The following DAP variants were observed in gnomAD, a reference collection of about 807,000 sequenced individuals.
The protein encoded by DAP is death-associated protein 1.
A neutral mutation model predicts 13.8 loss-of-function variants in DAP; 8 were observed. That is an observed-to-expected ratio of 0.58 (90% CI 0.34 to 1.05). The LOEUF (loss-of-function observed/expected upper bound fraction) is 1.05. Among genes scored for constraint, DAP ranks in the 50% least tolerant of loss-of-function variants. DAP has a pLI of 0.03. For missense variants in DAP, 106 were observed against 133.2 expected, an observed-to-expected ratio of 0.80 and a Z score of 1.01; for synonymous variants, 47 against 47.5, an observed-to-expected ratio of 0.99 and a Z score of 0.04.
At chr5:10,751,775 C>T (rs1181573170) in intron 1 of DAP, among the ~76,000 whole-genome samples, 1 of 152,172 alleles carries the variant, frequency 6.6e-6, no homozygotes, top group Non-Finnish European at 1.5e-5. Flanking sequence ...AAATGGCCTG[C>T]AAGGAAACAG....
At chr5:10,752,505 T>G (rs1211484960) in intron 1 of DAP, among the ~76,000 whole-genome samples, 1 of 152,186 alleles carries the variant, frequency 6.6e-6, no homozygotes, top group African/African-American at 2.4e-5. Context: ...ACCTTAGATT[T>G]TTGTCGTGGT....
intron 2 of DAP, among the ~76,000 whole-genome samples, chr5:10,731,739 G>A (rs10057712): frequency 6.6e-6 from 1 of 152,190 alleles, no homozygotes; most frequent in Admixed American, 6.5e-5. Flanking sequence ...GTTTGCTAGG[G>A]GGCTTCTGGC....
intron 2 of DAP, among the ~76,000 whole-genome samples, chr5:10,729,808 C>T (rs1739389865): frequency 6.6e-6 from 1 of 152,132 alleles, no homozygotes; most frequent in Non-Finnish European, 1.5e-5. Context: ...TACGGCGACC[C>T]CAAGTTAACA....
intron 1 of DAP, among the ~76,000 whole-genome samples, chr5:10,749,859 G>A (rs975209642): frequency 6.7e-6 from 1 of 150,198 alleles, no homozygotes; most frequent in Non-Finnish European, 1.5e-5. Context: ...AGCCAGCCTC[G>A]CATGGTAGCC....
chr5:10,744,284 T>A (rs557945963), intron 2 of DAP, among the ~76,000 whole-genome samples: 1 of 152,178 alleles, frequency 6.6e-6, no homozygotes, highest in Admixed American at 6.5e-5. Context: ...GGATCAAAAT[T>A]AAAGAATATA....
At chr5:10,681,205 A>G in intron 3 of DAP, 36 bp from the exon 4 acceptor site, 1 of 1,448,498 alleles carries the variant, frequency 6.9e-7, no homozygotes, top group Non-Finnish European at 9.1e-7. Flanking sequence ...GTTAATCAAT[A>G]GGAAGCATGG....
At chr5:10,710,856 G>A (rs929330435) in intron 2 of DAP, among the ~76,000 whole-genome samples, 8 of 152,192 alleles carry the variant, frequency 5.3e-5, no homozygotes, top group African/African-American at 1.9e-4. Flanking sequence ...GGTATCTCAG[G>A]CATCTGCATC....
chr5:10,697,716 T>C (rs1386368104), intron 2 of DAP, among the ~76,000 whole-genome samples: 6 of 152,152 alleles, frequency 3.9e-5, no homozygotes, highest in African/African-American at 1.2e-4. Context: ...ACAACTGTCA[T>C]TGGAATTCCT....
chr5:10,729,489 A>C (rs1739382517), intron 2 of DAP, among the ~76,000 whole-genome samples: 1 of 152,372 alleles, frequency 6.6e-6, no homozygotes, highest in African/African-American at 2.4e-5. Flanking sequence ...ACTGCTACAA[A>C]GGAATGCTCA....
intron 2 of DAP, among the ~76,000 whole-genome samples, chr5:10,697,276 G>A (rs5745254): frequency 0.057 from 8,741 of 152,280 alleles, 290 homozygotes; most frequent in South Asian, 0.081. Context: ...TGGTTAGCTC[G>A]TTACAAGACA....
chr5:10,708,827 A>G (rs1196371336), intron 2 of DAP, among the ~76,000 whole-genome samples: 1 of 152,212 alleles, frequency 6.6e-6, no homozygotes, highest in Non-Finnish European at 1.5e-5. Flanking sequence ...AGGGTGCAGG[A>G]GCACAGGAGC....
At chr5:10,701,543 G>A (rs1738575266) in intron 2 of DAP, among the ~76,000 whole-genome samples, 1 of 126,550 alleles carries the variant, frequency 7.9e-6, no homozygotes, top group Non-Finnish European at 1.6e-5. Context: ...AGATGACATT[G>A]TATTTGTCTT....
intron 2 of DAP, among the ~76,000 whole-genome samples, chr5:10,739,994 A>AACTAG (rs1187947708): frequency 1.3e-5 from 2 of 152,260 alleles, no homozygotes; most frequent in African/African-American, 4.8e-5. Context: ...AGAAACAAAC[A>AACTAG]GTTAACAGAA....
chr5:10,702,981 G>C (rs1294643110), intron 2 of DAP, among the ~76,000 whole-genome samples: 1 of 152,242 alleles, frequency 6.6e-6, no homozygotes, highest in Non-Finnish European at 1.5e-5. Context: ...TCCTCAGCCA[G>C]AGTCTCAAAT....
In DAP at chr5:10,699,506, T is replaced by C. The variant is rs114583347; in HGVS notation, c.153-15935A>G. Among the ~76,000 whole-genome samples the C allele has an allele frequency of 2.2e-3, 335 of 152,348 alleles. 1 individual carries two copies. The highest frequency in any genetic ancestry group is 3.9e-3 in the South Asian group (19 of 4,826). On this transcript the variant is annotated intron_variant, in intron 2 of 3. Transcript: ENST00000230895. ...ACCTGTGAGGTTTACCAGAAGCTAA[T>C]GCGAAAGCAGGTCACCATGGGTTTC...
chr5:10,761,183 C>T lies in DAP; in HGVS notation c.-115G>A, dbSNP rs1740348889. The T allele has an allele frequency of 2.2e-5, 11 of 505,300 alleles. No individual in the cohort carries two copies. In the East Asian group the frequency reaches 6.3e-4, roughly 29 times the overall value. 31.3% of individuals were successfully genotyped at this position (505,300 alleles called of 1,614,324 possible). A position where few individuals can be genotyped will look rare whatever the true frequency, so the allele number is the denominator to read the frequency against. ...GGAGCGAGCGGGCGGGAGAACGACG[C>T]GCGCGCGTGGGGCGCCGGGGCCGCG... On this transcript the variant is annotated 5_prime_UTR_variant, in exon 1 of 4. Transcript: ENST00000230895.
chr5:10,746,483 C>A (rs767472966), intron 2 of DAP, among the ~76,000 whole-genome samples: 1 of 152,028 alleles, frequency 6.6e-6, no homozygotes. Flanking sequence ...GCACATGCCA[C>A]CACACCTGAC....
intron 2 of DAP, among the ~76,000 whole-genome samples, chr5:10,739,923 C>A (rs1308490980): frequency 6.6e-6 from 1 of 152,070 alleles, no homozygotes; most frequent in East Asian, 1.9e-4. Context: ...CTTTTACACA[C>A]CAGGTTTTAC....
At chr5:10,705,794 C>G (rs1191491738) in intron 2 of DAP, among the ~76,000 whole-genome samples, 1 of 152,020 alleles carries the variant, frequency 6.6e-6, no homozygotes, top group Admixed American at 6.6e-5. Flanking sequence ...TTTGATATAC[C>G]TATGTGTTGA....
Sources: gnomAD v4.1 joint callset for allele counts (sites outside exome capture counted in the v4.1 genomes callset) on GRCh38, gnomAD v4.1.1 for gene constraint, MANE v1.5 for transcripts, NCBI Gene and HGNC (gene_info 2026-07-23, HGNC 2026-07-21) for gene names.